Variants in CATSPERE observed in about 807,000 individuals in gnomAD.
The protein encoded by CATSPERE is cation channel sperm-associated auxiliary subunit epsilon.
A neutral mutation model predicts 114.1 loss-of-function variants in CATSPERE; 93 were observed. The observed-to-expected ratio is 0.81, with a 90% CI of 0.69 to 0.97. The LOEUF (loss-of-function observed/expected upper bound fraction) is 0.97. Among genes scored for constraint, CATSPERE ranks in the 50% least tolerant of loss-of-function variants. The pLI is 0.00. For missense variants in CATSPERE, 1,058 were observed against 1,131.6 expected, an observed-to-expected ratio of 0.93 and a Z score of 0.93; for synonymous variants, 341 against 384.1, an observed-to-expected ratio of 0.89 and a Z score of 1.31.
intron 18 of CATSPERE, among the ~76,000 whole-genome samples, chr1:244,606,090 CT>C (rs1669959824): frequency 6.6e-6 from 1 of 152,202 alleles, no homozygotes; most frequent in African/African-American, 2.4e-5. Context: ...ATTTATGGGT[CT>C]GCCTTTGGCT....
At chr1:244,462,262 C>T (rs982631464) in intron 1 of CATSPERE, among the ~76,000 whole-genome samples, 2 of 152,110 alleles carry the variant, frequency 1.3e-5, no homozygotes. Flanking sequence ...ATCTGCACAC[C>T]CCACACACCT....
intron 10 of CATSPERE, among the ~76,000 whole-genome samples, chr1:244,566,672 T>TTTTTTTTTTTTTTTTTTTTTTTTTC (rs1663589085): frequency 8.5e-6 from 1 of 117,958 alleles, no homozygotes; most frequent in Non-Finnish European, 1.8e-5. Flanking sequence ...TTTTTTTTTT[T>TTTTTTTTTTTTTTTTTTTTTTTTTC]TTTTTTTTTT....
At chr1:244,559,360 T>A (rs998135168) in intron 9 of CATSPERE, among the ~76,000 whole-genome samples, 2 of 152,272 alleles carry the variant, frequency 1.3e-5, no homozygotes, top group Non-Finnish European at 2.9e-5. Flanking sequence ...CAGTTTGATA[T>A]CTGCCGACCT....
At position 244,593,483 on chromosome 1, in the gene CATSPERE, A is replaced by G. The variant is rs1205178311; in HGVS notation, c.2224-16A>G. 6.2e-7 allele frequency: 1 copy of G among 1,613,476 alleles called. No individual in the cohort carries two copies. The highest frequency in any genetic ancestry group is 1.1e-5 in the South Asian group (1 of 90,970). ...ACCAAATATATAAAATCACTAAAGT[A>G]GTTTTCCTTTTCTAGAGAGTAAGGT... On this transcript the variant is annotated splice_polypyrimidine_tract_variant and intron_variant, in intron 16 of 21. Transcript: ENST00000366534.
chr1:244,604,420 C>A (rs553678487), intron 17 of CATSPERE, among the ~76,000 whole-genome samples: 1 of 152,218 alleles, frequency 6.6e-6, no homozygotes, highest in Admixed American at 6.5e-5. Flanking sequence ...CTTTTAATAA[C>A]AAGGGTTGGG....
intron 10 of CATSPERE, among the ~76,000 whole-genome samples, chr1:244,569,820 G>T (rs901746243): frequency 1.3e-5 from 2 of 152,040 alleles, no homozygotes; most frequent in Non-Finnish European, 2.9e-5. Context: ...CACATTAACC[G>T]GATTGTTTCT....
At chr1:244,569,753 A>G (rs539848452) in intron 10 of CATSPERE, among the ~76,000 whole-genome samples, 2 of 152,304 alleles carry the variant, frequency 1.3e-5, no homozygotes, top group East Asian at 3.9e-4. Flanking sequence ...CCATTCTTCT[A>G]TTAAGCAAAC....
intron 7 of CATSPERE, among the ~76,000 whole-genome samples, chr1:244,500,221 T>A (rs1417280330): frequency 6.6e-6 from 1 of 152,226 alleles, no homozygotes; most frequent in South Asian, 2.1e-4. Context: ...TTTGTTTAAG[T>A]CCCTTGTAGA....
chr1:244,451,558 C>A, upstream of CATSPERE: 9 of 1,470,846 alleles, frequency 6.1e-6, no homozygotes, highest in Non-Finnish European at 8.2e-6. This position sits in a 1 kb window ranked among gnomAD's most constrained non-coding sequence, Gnocchi z 6.6. Context: ...GGTTCTGGGT[C>A]CGAGTTCCCG....
intron 14 of CATSPERE, 24 bp downstream of exon 14, chr1:244,588,558 G>C (rs953907403): frequency 3.8e-6 from 6 of 1,559,020 alleles, no homozygotes; most frequent in African/African-American, 2.7e-5. Context: ...CATTTGACCT[G>C]TGTTACTCTT....
intron 8 of CATSPERE, among the ~76,000 whole-genome samples, chr1:244,546,714 A>C (rs926059997): frequency 6.6e-6 from 1 of 152,234 alleles, no homozygotes; most frequent in Non-Finnish European, 1.5e-5. Context: ...AATAGAGAGC[A>C]TCAACAGCCA....
intron 9 of CATSPERE, among the ~76,000 whole-genome samples, chr1:244,559,885 G>A (rs1354233398): frequency 6.6e-6 from 1 of 152,052 alleles, no homozygotes; most frequent in Non-Finnish European, 1.5e-5. Context: ...TATTTTTATG[G>A]TTATATGTAA....
At chr1:244,559,239 A>G (rs1305374259) in intron 9 of CATSPERE, among the ~76,000 whole-genome samples, 1 of 152,180 alleles carries the variant, frequency 6.6e-6, no homozygotes, top group Non-Finnish European at 1.5e-5. Flanking sequence ...TTTGTTTCTA[A>G]TCTATTTCTT....
At position 244,508,985 on chromosome 1, in the gene CATSPERE, CAA is replaced by C. The variant is rs56987777; in HGVS notation, c.430-9594_430-9593del. 7.7e-3 allele frequency among the ~76,000 whole-genome samples: 1,066 copies of C among 138,668 alleles called. 6 individuals carry two copies. The highest frequency in any genetic ancestry group is 0.025 in the African/African-American group (965 of 39,276). 91.0% of individuals were successfully genotyped at this position (138,668 alleles called of 152,430 possible). A position where few individuals can be genotyped will look rare whatever the true frequency, so the allele number is the denominator to read the frequency against. Reference sequence around the variant, plus strand: ...TGAGATTCTGTGCCCCTTCCCCCACCAAAAAAAAAAAAAATTGTGTCATTGTG... The same window carrying C: ...TGAGATTCTGTGCCCCTTCCCCCACCAAAAAAAAAAAATTGTGTCATTGTG... On this transcript the variant is annotated intron_variant, in intron 7 of 21. Coordinates refer to ENST00000366534, the MANE Select transcript of CATSPERE (RefSeq NM_001130957.2).
At chr1:244,481,551 C>T (rs1449757731) in intron 5 of CATSPERE, among the ~76,000 whole-genome samples, 1 of 152,184 alleles carries the variant, frequency 6.6e-6, no homozygotes, top group Non-Finnish European at 1.5e-5. Context: ...TTTCTCTTCT[C>T]CCAAGTAGAG....
At chr1:244,544,477 T>C (rs3124054) in intron 8 of CATSPERE, among the ~76,000 whole-genome samples, 151,213 of 152,318 alleles carry the variant, frequency 0.99, 75,068 homozygotes, top group Middle Eastern at 1. Flanking sequence ...TTCTAGGATG[T>C]ATACTTGGGA....
intron 9 of CATSPERE, among the ~76,000 whole-genome samples, chr1:244,558,588 G>GTAC (rs1208406408): frequency 1.3e-5 from 2 of 152,064 alleles, no homozygotes; most frequent in African/African-American, 4.8e-5. Flanking sequence ...AGACCTCTTA[G>GTAC]TACTTCACAG....
At chr1:244,569,751 C>A (rs1664166359) in intron 10 of CATSPERE, among the ~76,000 whole-genome samples, 1 of 152,134 alleles carries the variant, frequency 6.6e-6, no homozygotes, top group Non-Finnish European at 1.5e-5. Context: ...AACCATTCTT[C>A]TATTAAGCAA....
At chr1:244,510,812 C>CT (rs112249943) in intron 7 of CATSPERE, among the ~76,000 whole-genome samples, 7 of 84,264 alleles carry the variant, frequency 8.3e-5, no homozygotes, top group South Asian at 3.6e-4. Context: ...ACATTTCTTT[C>CT]TTTTTTTTTT....
Sources: allele counts gnomAD v4.1 joint callset (sites outside exome capture counted in the v4.1 genomes callset), GRCh38; gene constraint gnomAD v4.1.1; non-coding constraint Gnocchi (gnomAD v3.1); transcripts MANE v1.5; gene names NCBI Gene and HGNC (gene_info 2026-07-23, HGNC 2026-07-21).